The following OSBPL5 variants were observed in gnomAD, a reference collection of about 807,000 sequenced individuals.
OSBPL5 encodes oxysterol binding protein like 5, also known as oxysterol-binding protein-related protein 5.
OSBPL5 carries 71 observed loss-of-function variants against 111.2 expected under a neutral mutation model. The ratio of observed to expected loss-of-function variants is 0.64; its 90% CI spans 0.53 to 0.78. The LOEUF (loss-of-function observed/expected upper bound fraction) is 0.78. Among genes scored for constraint, OSBPL5 ranks in the 30% least tolerant of loss-of-function variants. The pLI, the probability that OSBPL5 is intolerant of heterozygous loss-of-function variation, is 0.00. For missense variants in OSBPL5, 1,210 were observed against 1,189.3 expected (o/e 1.02, Z -0.26); for synonymous variants, 549 against 513.9 (o/e 1.07, Z -0.93).
chr11:3,133,891 A>C (rs964903411), intron 1 of OSBPL5, among the ~76,000 whole-genome samples: 1 of 152,054 alleles, frequency 6.6e-6, no homozygotes, highest in African/African-American at 2.4e-5. Context: ...CCCAGCCCCG[A>C]GACCCCAAGG....
In OSBPL5 at chr11:3,126,703, C is replaced by T; in HGVS notation, c.137-148G>A. On this transcript the variant is annotated intron_variant, in intron 2 of 21. Coordinates refer to ENST00000263650, the MANE Select transcript of OSBPL5 (RefSeq NM_020896.4). The surrounding 1 kb of genome is among the most constrained non-coding windows in gnomAD (Gnocchi z 6.5). ...GCCGGAGGTGGTGGCAGGAACAGGACACTGCCTGAGAGGTGTAATAAACGC... is the reference window on the plus strand; with the variant it reads ...GCCGGAGGTGGTGGCAGGAACAGGATACTGCCTGAGAGGTGTAATAAACGC... 1 of 593,672 alleles carries T rather than the reference C, an allele frequency of 1.7e-6. No individual in the cohort carries two copies. Among genetic ancestry groups the T allele is most frequent in the African/African-American group, 1.9e-5 (1 of 53,236 alleles). 36.8% of individuals were successfully genotyped at this position (593,672 alleles called of 1,614,324 possible).
chr11:3,100,501 T>G (rs1857414820), intron 13 of OSBPL5, among the ~76,000 whole-genome samples: 1 of 152,256 alleles, frequency 6.6e-6, no homozygotes. Context: ...AGTGGTTTAT[T>G]GCAGTCGCAA....
At chr11:3,153,802 C>T (rs1052926212) in intron 1 of OSBPL5, among the ~76,000 whole-genome samples, 2 of 152,260 alleles carry the variant, frequency 1.3e-5, no homozygotes, top group African/African-American at 2.4e-5. Context: ...CCACCAGGCC[C>T]GGCTGCGGGT....
chr11:3,141,123 T>C lies in OSBPL5; in HGVS notation c.-21-11954A>G, dbSNP rs1846099030. ...TAACAACAGAAACAACGTCAACCCA[T>C]AAAGCCTCATTCCAGGCAGTTTCGA... On this transcript the variant is annotated intron_variant, in intron 1 of 21. Coordinates refer to ENST00000263650, the MANE Select transcript of OSBPL5 (RefSeq NM_020896.4). The surrounding 1 kb of genome is among the most constrained non-coding windows in gnomAD (Gnocchi z 6.5). Among the ~76,000 whole-genome samples, 2 of 151,930 alleles carry C rather than the reference T, an allele frequency of 1.3e-5. No homozygotes were observed.
rs1382969809 is a variant in OSBPL5 at position 3,141,297 on chromosome 11, C to T, written c.-21-12128G>A. Among the ~76,000 whole-genome samples the T allele has an allele frequency of 6.6e-6, 1 of 152,120 alleles. No individual in the cohort carries two copies. Among genetic ancestry groups the T allele is most frequent in the Non-Finnish European group, 1.5e-5 (1 of 68,036 alleles). On this transcript the variant is annotated intron_variant, in intron 1 of 21. Transcript: ENST00000263650. The surrounding 1 kb of genome is among the most constrained non-coding windows in gnomAD (Gnocchi z 6.5). ...GCGTCCTTTGACCAAGCGCCTCCTG[C>T]TCACCCGGGAACACACCCTCGGGTC...
Position 3,088,165 on chromosome 11 carries a change from G to A in OSBPL5, c.*40C>T, listed in dbSNP as rs370621936. 17 of 1,495,536 alleles carry A rather than the reference G, an allele frequency of 1.1e-5. No individual in the cohort carries two copies. The Admixed American group carries it at 1.7e-4, about 15-fold the overall frequency. The allele number at this position is 1,495,536 out of a possible 1,614,324, so 92.6% of individuals were successfully genotyped here. ...CTTAAAGTGCTGGGTGCCTGGGAGGGAGGGCTCAGGACCGGCCAGGAGCTC... is the reference window on the plus strand; with the variant it reads ...CTTAAAGTGCTGGGTGCCTGGGAGGAAGGGCTCAGGACCGGCCAGGAGCTC... On this transcript the variant is annotated 3_prime_UTR_variant, in exon 22 of 22. Coordinates refer to ENST00000263650, the MANE Select transcript of OSBPL5 (RefSeq NM_020896.4).
chr11:3,091,745 C>T (rs1181088954), intron 19 of OSBPL5, among the ~76,000 whole-genome samples: 1 of 152,160 alleles, frequency 6.6e-6, no homozygotes, highest in Non-Finnish European at 1.5e-5. Flanking sequence ...ATACCGCGGC[C>T]CCCAGCTTGC....
chr11:3,093,026 A>T lies in OSBPL5; in HGVS notation c.1973T>A (p.Ile658Asn). The change falls in exon 18 of 22, where the codon ATC (isoleucine) becomes AAC (asparagine). Residue 658 changes from isoleucine (I) to asparagine (N), a missense_variant. By Grantham distance (149) the Ile-to-Asn change is moderately radical. Transcript: ENST00000263650. ...ERLWQHVTRA[I>N]SKGDQHRATQ... ...GGCCCTGTGCTGGTCGCCCTTGCTG[A>T]TGGCCCTGGTGACGTGCTGCCAGAG... 6.3e-7 allele frequency: 1 copy of T among 1,597,778 alleles called. No homozygotes were observed. The highest frequency in any genetic ancestry group is 1.1e-5 in the South Asian group (1 of 89,044).
At chr11:3,160,333 C>T (rs576216037) in intron 1 of OSBPL5, among the ~76,000 whole-genome samples, 2 of 152,350 alleles carry the variant, frequency 1.3e-5, no homozygotes, top group South Asian at 2.1e-4. Flanking sequence ...CGCCTGGACC[C>T]TTTAAACAAC....
rs1336835395 is a variant in OSBPL5, at chr11:3,107,966, G to A, written c.692-21C>T. ...GCGACCTGCGGGGCACACGGGATGA[G>A]CATGCCCCACCCCCACCTCTGTATA... On this transcript the variant is annotated intron_variant, in intron 7 of 21. Transcript: ENST00000263650. This position sits in a 1 kb window ranked among gnomAD's most constrained non-coding sequence, Gnocchi z 6.1. 1 of 1,565,154 alleles carries A rather than the reference G, an allele frequency of 6.4e-7. No individual in the cohort carries two copies. The highest frequency in any genetic ancestry group is 8.6e-7 in the Non-Finnish European group (1 of 1,167,516).
At chr11:3,120,225 A>C (rs902054948) in intron 6 of OSBPL5, among the ~76,000 whole-genome samples, 196 bp downstream of exon 6, 6 of 152,112 alleles carry the variant, frequency 3.9e-5, no homozygotes, top group Non-Finnish European at 1.5e-5. Flanking sequence ...CTTGCAGCCT[A>C]CTGTGTGCTT....
chr11:3,164,233 G>T (rs1418272621), intron 1 of OSBPL5: 3 of 152,446 alleles, frequency 2.0e-5, no homozygotes, highest in African/African-American at 4.8e-5. Context: ...TTGCGAAACG[G>T]CAAGAGAGGA....
At chr11:3,093,266 G>A in intron 17 of OSBPL5, 1 of 738,878 alleles carries the variant, frequency 1.4e-6, no homozygotes, top group Non-Finnish European at 2.1e-6. Flanking sequence ...CGCCTGCAGG[G>A]ACCTCCCTGT....
chr11:3,162,965 T>A lies in OSBPL5; in HGVS notation c.-22+2251A>T, dbSNP rs1184288918. On this transcript the variant is annotated intron_variant, in intron 1 of 21. Coordinates refer to ENST00000263650, the MANE Select transcript of OSBPL5 (RefSeq NM_020896.4). This position sits in a 1 kb window ranked among gnomAD's most constrained non-coding sequence, Gnocchi z 8.1. ...GCCAACCCTGCAAGTGGTGGGCACT[T>A]CTACCCACCTGGCCCTTGGACTCCA... Among the ~76,000 whole-genome samples the A allele has an allele frequency of 6.6e-6, 1 of 151,706 alleles. No individual in the cohort carries two copies. The highest frequency in any genetic ancestry group is 1.5e-5 in the Non-Finnish European group (1 of 67,964).
intron 1 of OSBPL5, among the ~76,000 whole-genome samples, chr11:3,148,925 C>T (rs752812935): frequency 1.9e-4 from 29 of 152,214 alleles, no homozygotes; most frequent in Admixed American, 3.3e-4. Context: ...CTGGAGAATT[C>T]GCAGAGGAGC....
intron 7 of OSBPL5, among the ~76,000 whole-genome samples, chr11:3,111,843 G>A (rs1052761958): frequency 1.3e-5 from 2 of 152,196 alleles, no homozygotes; most frequent in Non-Finnish European, 2.9e-5. Flanking sequence ...CTGTACTTCT[G>A]TGTCCTCGTT....
chr11:3,149,742 G>T (rs1014445049), intron 1 of OSBPL5, among the ~76,000 whole-genome samples: 2 of 152,094 alleles, frequency 1.3e-5, no homozygotes, highest in Admixed American at 1.3e-4. Context: ...ATCATCAAAC[G>T]ACCCCCCCGT....
chr11:3,109,639 A>T lies in OSBPL5; in HGVS notation c.692-1694T>A, dbSNP rs2134430241. 6.6e-6 allele frequency among the ~76,000 whole-genome samples: 1 copy of T among 151,904 alleles called. No homozygotes were observed. The highest frequency in any genetic ancestry group is 1.5e-5 in the Non-Finnish European group (1 of 67,934). Reference sequence around the variant, plus strand: ...GCCCTTCTCATTGGGTTGGGGGGATATCTGGGATCCTGCTGGTTCCACTGC... The same window carrying T: ...GCCCTTCTCATTGGGTTGGGGGGATTTCTGGGATCCTGCTGGTTCCACTGC... On this transcript the variant is annotated intron_variant, in intron 7 of 21. Coordinates refer to ENST00000263650, the MANE Select transcript of OSBPL5 (RefSeq NM_020896.4). This position sits in a 1 kb window ranked among gnomAD's most constrained non-coding sequence, Gnocchi z 7.4.
chr11:3,115,078 T>C (rs1858164377), intron 7 of OSBPL5, among the ~76,000 whole-genome samples: 1 of 152,214 alleles, frequency 6.6e-6, no homozygotes, highest in South Asian at 2.1e-4. Context: ...ATATAAGTTT[T>C]GTTTTCCTCC....
Sources: gnomAD v4.1 joint callset for allele counts (sites outside exome capture counted in the v4.1 genomes callset) on GRCh38, gnomAD v4.1.1 for gene constraint, Gnocchi (gnomAD v3.1) non-coding constraint, MANE v1.5 for transcripts, NCBI Gene and HGNC (gene_info 2026-07-23, HGNC 2026-07-21) for gene names.